SNAI1: variants seen among roughly 807,000 people sequenced by gnomAD.
The protein encoded by SNAI1 is zinc finger protein SNAI1.
A neutral mutation model predicts 24.7 loss-of-function variants in SNAI1; 15 were observed. That is an observed-to-expected ratio of 0.61 (90% CI 0.41 to 0.93). The LOEUF (loss-of-function observed/expected upper bound fraction) is 0.93, where lower values mean the gene tolerates loss of function less well. Ranked by LOEUF, SNAI1 falls within the 40% of genes least tolerant of loss-of-function variation. The pLI is 0.00. For synonymous variants in SNAI1, 163 were observed against 142.9 expected, an observed-to-expected ratio of 1.14 and a Z score of -1.00; for missense variants, 283 against 336.7, an observed-to-expected ratio of 0.84 and a Z score of 1.25.
At chr20:49,986,095 G>A (rs1260973086) in intron 2 of SNAI1, among the ~76,000 whole-genome samples, 1 of 152,186 alleles carries the variant, frequency 6.6e-6, no homozygotes, top group Non-Finnish European at 1.5e-5. Context: ...CCTAACTCTG[G>A]TCTTACAAAT....
At chr20:49,984,441 C>A in intron 2 of SNAI1, 90 bp downstream of exon 2, 1 of 1,274,968 alleles carries the variant, frequency 7.8e-7, no homozygotes, top group Non-Finnish European at 1.1e-6. Flanking sequence ...AAGCTGTGGA[C>A]ACTGAGGCCC....
At chr20:49,986,216 C>T (rs890166406) in intron 2 of SNAI1, among the ~76,000 whole-genome samples, 9 of 152,196 alleles carry the variant, frequency 5.9e-5, no homozygotes, top group Non-Finnish European at 7.3e-5. Context: ...ACCCTTCAGG[C>T]GTGGCGTGTG....
chr20:49,983,731 C>G (rs4141977), intron 1 of SNAI1, 93 bp from the exon 2 acceptor site: 1 of 1,243,218 alleles, frequency 8.0e-7, no homozygotes, highest in East Asian at 2.4e-5. Context: ...TATTGAGAAT[C>G]GGCCCCACCC....
At chr20:49,987,164 G>A (rs1323877414) in intron 2 of SNAI1, among the ~76,000 whole-genome samples, 2 of 152,128 alleles carry the variant, frequency 1.3e-5, no homozygotes, top group Admixed American at 6.6e-5. Context: ...GACTCAGCCT[G>A]ATTGGAGAAC....
In SNAI1 at chr20:49,983,861, G is replaced by T; in HGVS notation, c.120G>T (p.Leu40=). The change falls in exon 2 of 3, where the codon CTG becomes CTT. Residue 40 remains leucine, a synonymous_variant. Transcript: ENST00000244050. ...AGCAGCCCTACGACCAGGCCCACCT[G>T]CTGGCAGCCATCCCACCTCCGGAGA... ...TFQQPYDQAH[L]LAAIPPPEIL... is the part of the protein sequence containing the mutation. The T allele has an allele frequency of 6.2e-7, 1 of 1,609,878 alleles. No individual in the cohort carries two copies.
In SNAI1 at chr20:49,983,004, AGTG is replaced by A. The variant is rs2078321220; in HGVS notation, c.-53_-51del. On this transcript the variant is annotated 5_prime_UTR_variant, in exon 1 of 3. Coordinates refer to ENST00000244050, the MANE Select transcript of SNAI1 (RefSeq NM_005985.4). The stretch of plus-strand genomic sequence containing the variant: ...CATTGCGCCGCGGCACGGCCTAGCG[AGTG>A]GTTCTTCTGCGCTACTGCTGCGCGA... The A allele has an allele frequency of 8.4e-7, 1 of 1,195,768 alleles. No homozygotes were observed. The highest frequency in any genetic ancestry group is 1.2e-6 in the Non-Finnish European group (1 of 841,116). 74.1% of individuals were successfully genotyped at this position (1,195,768 alleles called of 1,614,324 possible).
intron 2 of SNAI1, 129 bp downstream of exon 2, chr20:49,984,480 C>T: frequency 1.1e-6 from 1 of 948,346 alleles, no homozygotes. Flanking sequence ...GCTCAAGTTC[C>T]AGGGCCTGGC....
chr20:49,984,906 C>T (rs559224723), intron 2 of SNAI1, among the ~76,000 whole-genome samples: 1 of 152,216 alleles, frequency 6.6e-6, no homozygotes, highest in South Asian at 2.1e-4. Flanking sequence ...TAAACTCTCA[C>T]AAAAATGGTT....
chr20:49,986,669 C>T (rs112421348), intron 2 of SNAI1, among the ~76,000 whole-genome samples: 4 of 152,164 alleles, frequency 2.6e-5, no homozygotes, highest in African/African-American at 7.2e-5. Context: ...CTTGCTTTAT[C>T]GCCTAGGCTT....
Position 49,984,124 on chromosome 20 carries a change from C to T in SNAI1, c.383C>T (p.Ala128Val). 6.2e-7 allele frequency: 1 copy of T among 1,614,238 alleles called. No individual in the cohort carries two copies. Among genetic ancestry groups the T allele is most frequent in the Non-Finnish European group, 8.5e-7 (1 of 1,180,026 alleles). The change falls in exon 2 of 3, where the codon GCC (alanine) becomes GTC (valine). Residue 128 changes from alanine (A) to valine (V), a missense_variant. Ala to Val is a moderately conservative substitution (Grantham distance 64). Transcript: ENST00000244050. Reference sequence around the variant, plus strand: ...TCCTTGGAGGCCGAGGCCTATGCTGCCTTCCCAGGCTTGGGCCAAGTGCCC... The same window carrying T: ...TCCTTGGAGGCCGAGGCCTATGCTGTCTTCCCAGGCTTGGGCCAAGTGCCC... ...VSSLEAEAYA[A>V]FPGLGQVPKQ...
intron 1 of SNAI1, 39 bp downstream of exon 1, chr20:49,983,180 G>A: frequency 1.3e-6 from 2 of 1,530,104 alleles, no homozygotes; most frequent in East Asian, 2.3e-5. Flanking sequence ...AGGTTTGGGG[G>A]AGACAGGCGA....
At chr20:49,987,759 C>T in intron 2 of SNAI1, 113 bp from the exon 3 acceptor site, 1 of 1,020,674 alleles carries the variant, frequency 9.8e-7, no homozygotes, top group South Asian at 1.4e-5. Context: ...GGAGGCCTGG[C>T]TTTCCTGGGA....
At chr20:49,987,823 C>T in intron 2 of SNAI1, 49 bp from the exon 3 acceptor site, 3 of 1,543,782 alleles carry the variant, frequency 1.9e-6, no homozygotes, top group Non-Finnish European at 1.8e-6. Flanking sequence ...CCATCACTGC[C>T]AGCCGTTGTC....
chr20:49,983,027 G>C lies in SNAI1; in HGVS notation c.-33G>C. On this transcript the variant is annotated 5_prime_UTR_variant, in exon 1 of 3. Coordinates refer to ENST00000244050, the MANE Select transcript of SNAI1 (RefSeq NM_005985.4). ...CGAGTGGTTCTTCTGCGCTACTGCTGCGCGAATCGGCGACCCCAGTGCCTC... is the reference window on the plus strand; with the variant it reads ...CGAGTGGTTCTTCTGCGCTACTGCTCCGCGAATCGGCGACCCCAGTGCCTC... The C allele has an allele frequency of 1.3e-6, 2 of 1,561,576 alleles. No individual in the cohort carries two copies. Among genetic ancestry groups the C allele is most frequent in the Non-Finnish European group, 1.8e-6 (2 of 1,137,754 alleles).
At chr20:49,984,887 G>T (rs879526088) in intron 2 of SNAI1, among the ~76,000 whole-genome samples, 1 of 152,194 alleles carries the variant, frequency 6.6e-6, no homozygotes, top group Non-Finnish European at 1.5e-5. Context: ...GCAAAGTGCC[G>T]GTACCTGCTA....
Position 49,987,881 on chromosome 20 carries a change from C to G in SNAI1, c.620C>G (p.Pro207Arg). 1 of 1,614,052 alleles carries G rather than the reference C, an allele frequency of 6.2e-7. No homozygotes were observed. The highest frequency in any genetic ancestry group is 8.5e-7 in the Non-Finnish European group (1 of 1,179,988). The change falls in exon 3 of 3, where the codon CCC (proline) becomes CGC (arginine). Residue 207 changes from proline to arginine, a missense_variant. Pro to Arg is a moderately radical substitution (Grantham distance 103). Transcript: ENST00000244050. The stretch of plus-strand genomic sequence containing the variant: ...GGCGTTCTCTCCCCAGGCGAGAAGC[C>G]CTTCTCCTGTCCCCACTGCAGCCGT... ...GHVRTHTGEKPFSCPHCSRAF... is the reference protein window; with the variant it reads ...GHVRTHTGEKRFSCPHCSRAF...
At chr20:49,983,700 A>G (rs2078324028) in intron 1 of SNAI1, 124 bp from the exon 2 acceptor site, 1 of 969,646 alleles carries the variant, frequency 1.0e-6, no homozygotes, top group Non-Finnish European at 1.5e-6. Context: ...TCCTGTGGAT[A>G]ATTTTTTTGA....
chr20:49,986,746 G>A (rs762270698), intron 2 of SNAI1, among the ~76,000 whole-genome samples: 13 of 152,206 alleles, frequency 8.5e-5, no homozygotes, highest in South Asian at 6.2e-4. Context: ...GATTACAAGC[G>A]TGAGCCACCA....
At chr20:49,983,420 G>A (rs962304455) in intron 1 of SNAI1, among the ~76,000 whole-genome samples, 11 of 151,318 alleles carry the variant, frequency 7.3e-5, no homozygotes, top group African/African-American at 2.4e-4. Context: ...AAGGAGAGGA[G>A]GCCTGTGTCA....
Sources: gnomAD v4.1 joint callset for allele counts (sites outside exome capture counted in the v4.1 genomes callset) on GRCh38, gnomAD v4.1.1 for gene constraint, MANE v1.5 for transcripts, NCBI Gene and HGNC (gene_info 2026-07-23, HGNC 2026-07-21) for gene names.